Variants in PKN2 observed in about 807,000 individuals in gnomAD.
PKN2 encodes protein kinase N2, also known as serine/threonine-protein kinase N2.
A neutral mutation model predicts 119.1 loss-of-function variants in PKN2; 38 were observed. The observed-to-expected ratio is 0.32, with a 90% CI of 0.25 to 0.42. PKN2 has a LOEUF of 0.42. Ranked by LOEUF, PKN2 falls within the 10% of genes least tolerant of loss-of-function variation. PKN2 has a pLI of 1.00. For missense variants in PKN2, 850 were observed against 1,165.1 expected, an observed-to-expected ratio of 0.73 and a Z score of 3.94; for synonymous variants, 390 against 384.9, an observed-to-expected ratio of 1.01 and a Z score of -0.15.
Position 88,807,580 on chromosome 1 carries a change from C to G in PKN2, c.1986C>G (p.Val662=). ...FNLQDFRCCA[V]LGRGHFGKVL... ...TACAAGATTTCAGGTGTTGTGCTGT[C>G]TTGGGAAGAGGACATTTTGGAAAGG... Residue 662 remains valine (V), a synonymous_variant, in exon 14 of 22, where the codon GTC becomes GTG. Transcript: ENST00000370521. 1.2e-6 allele frequency: 2 copies of G among 1,611,740 alleles called. No individual in the cohort carries two copies. Among genetic ancestry groups the G allele is most frequent in the Middle Eastern group, 1.7e-4 (1 of 6,048 alleles).
At chr1:88,709,123 G>A (rs1234295965) in intron 1 of PKN2, among the ~76,000 whole-genome samples, 2 of 151,378 alleles carry the variant, frequency 1.3e-5, no homozygotes, top group African/African-American at 4.9e-5. Flanking sequence ...GCGTGATCTT[G>A]GCTCACTGCA....
chr1:88,803,584 A>G (rs1238520263), intron 8 of PKN2, among the ~76,000 whole-genome samples: 2 of 152,180 alleles, frequency 1.3e-5, no homozygotes, highest in Admixed American at 6.5e-5. Flanking sequence ...CTTAGGAACT[A>G]TGTTCTACAG....
intron 1 of PKN2, among the ~76,000 whole-genome samples, chr1:88,690,744 A>G (rs1666298761): frequency 2.0e-5 from 3 of 152,320 alleles, no homozygotes; most frequent in South Asian, 2.1e-4. Flanking sequence ...GTAACATTAT[A>G]TACATAAATA....
chr1:88,713,307 G>T (rs943539044), intron 1 of PKN2, among the ~76,000 whole-genome samples: 1 of 152,024 alleles, frequency 6.6e-6, no homozygotes, highest in African/African-American at 2.4e-5. Context: ...GGGATTGCTG[G>T]GTCAAATGGT....
At chr1:88,751,377 TAC>T (rs34210018) in intron 2 of PKN2, among the ~76,000 whole-genome samples, 1,970 of 146,028 alleles carry the variant, frequency 0.013, 29 homozygotes, top group African/African-American at 0.034. Flanking sequence ...TATTTACACA[TAC>T]ACACACACAC....
intron 1 of PKN2, among the ~76,000 whole-genome samples, chr1:88,735,222 G>A (rs759791661): frequency 1.1e-4 from 17 of 152,168 alleles, no homozygotes; most frequent in East Asian, 3.9e-4. Flanking sequence ...GCGGTGGTGC[G>A]ATCATGGCTC....
At chr1:88,783,710 C>T (rs1055097470) in intron 6 of PKN2, among the ~76,000 whole-genome samples, 4 of 151,994 alleles carry the variant, frequency 2.6e-5, no homozygotes, top group African/African-American at 9.7e-5. Context: ...TGTGTCTAGC[C>T]CAAATAATGA....
In PKN2 at chr1:88,771,667, A is replaced by G. The variant is rs1488991897; in HGVS notation, c.773A>G (p.Gln258Arg). ...VTDRKALSEA[Q>R]ARFNESSQKL... ...ATTGTCTTTTCCCTGTGCAAGGCTCAAGCAAGATTTAATGAATCAAGTCAG... is the reference window on the plus strand; with the variant it reads ...ATTGTCTTTTCCCTGTGCAAGGCTCGAGCAAGATTTAATGAATCAAGTCAG... The change falls in exon 6 of 22, where the codon CAA (glutamine) becomes CGA (arginine). Residue 258 changes from glutamine (Q) to arginine (R), a missense_variant. Coordinates refer to ENST00000370521, the MANE Select transcript of PKN2 (RefSeq NM_006256.4). 2 of 1,613,354 alleles carry G rather than the reference A, an allele frequency of 1.2e-6. No homozygotes were observed.
intron 1 of PKN2, among the ~76,000 whole-genome samples, chr1:88,713,580 G>A (rs1667326822): frequency 6.6e-6 from 1 of 152,138 alleles, no homozygotes; most frequent in Admixed American, 6.5e-5. Context: ...GTCTTCTTTT[G>A]AGAAGTGTCC....
chr1:88,775,773 A>C lies in PKN2; in HGVS notation c.985+3894A>C, dbSNP rs906502411. 9.2e-5 allele frequency among the ~76,000 whole-genome samples: 14 copies of C among 152,216 alleles called. 1 individual carries two copies. The highest frequency in any genetic ancestry group is 8.5e-4 in the Admixed American group (13 of 15,288). Reference sequence around the variant, plus strand: ...GTTTTATGCATTAGTCTTTTAAATCATAAAGGAAACAAAAAGAAGAGTTAC... The same window carrying C: ...GTTTTATGCATTAGTCTTTTAAATCCTAAAGGAAACAAAAAGAAGAGTTAC... On this transcript the variant is annotated intron_variant, in intron 6 of 21. Transcript: ENST00000370521.
intron 19 of PKN2, among the ~76,000 whole-genome samples, chr1:88,831,259 C>T (rs1465673855): frequency 6.6e-6 from 1 of 151,602 alleles, no homozygotes; most frequent in Non-Finnish European, 1.5e-5. Context: ...AAAAAAGATA[C>T]TACATATTTT....
chr1:88,780,706 A>G lies in PKN2; in HGVS notation c.986-3933A>G, dbSNP rs553191950. Among the ~76,000 whole-genome samples the G allele has an allele frequency of 4.0e-5, 6 of 151,170 alleles. No individual in the cohort carries two copies. The South Asian group carries it at 1.2e-3, about 31-fold the overall frequency. On this transcript the variant is annotated intron_variant, in intron 6 of 21. Coordinates refer to ENST00000370521, the MANE Select transcript of PKN2 (RefSeq NM_006256.4). The stretch of plus-strand genomic sequence containing the variant: ...TATCTGACAATTAGGCAGGGACTAT[A>G]CTGCAGGCAAGGACTGTACTTATTG...
rs77241441 is a variant in PKN2, at chr1:88,749,059, A to C, written c.349+7771A>C. Among the ~76,000 whole-genome samples the C allele has an allele frequency of 4.8e-3, 725 of 152,330 alleles. 2 individuals are homozygous for C. Among genetic ancestry groups the C allele is most frequent in the African/African-American group, 0.016 (681 of 41,576 alleles). On this transcript the variant is annotated intron_variant, in intron 2 of 21. Transcript: ENST00000370521. Reference sequence around the variant, plus strand: ...CTTGGTATTGTTAATATATTTTATTAACCAGTCTAACAAGTATGTAGTAGT... The same window carrying C: ...CTTGGTATTGTTAATATATTTTATTCACCAGTCTAACAAGTATGTAGTAGT...
At chr1:88,818,565 T>C (rs1435526758) in intron 16 of PKN2, among the ~76,000 whole-genome samples, 1 of 151,752 alleles carries the variant, frequency 6.6e-6, no homozygotes, top group Non-Finnish European at 1.5e-5. Flanking sequence ...GGAGAATTGC[T>C]TGAACCTGGG....
chr1:88,794,856 A>G (rs1486559339), intron 8 of PKN2, among the ~76,000 whole-genome samples: 1 of 152,168 alleles, frequency 6.6e-6, no homozygotes, highest in Non-Finnish European at 1.5e-5. Flanking sequence ...ATACTGCCAC[A>G]GCATCCTTTG....
chr1:88,770,303 T>A, intron 3 of PKN2, 49 bp from the exon 4 acceptor site: 2 of 1,071,306 alleles, frequency 1.9e-6, no homozygotes, highest in Non-Finnish European at 2.9e-6. Flanking sequence ...GGAAAATGTT[T>A]CATTTTTCCC....
In PKN2 at chr1:88,720,525, T is replaced by C. The variant is rs559321886; in HGVS notation, c.49-20463T>C. Among the ~76,000 whole-genome samples, 14 of 152,306 alleles carry C rather than the reference T, an allele frequency of 9.2e-5. No homozygotes were observed. In the South Asian group the frequency reaches 2.5e-3, roughly 27 times the overall value. ...GCTCCTAGGAGGTAATACAGCCCCA[T>C]TGAGAAGTTCTGGCTAGGGGTAAGG... On this transcript the variant is annotated intron_variant, in intron 1 of 21. Transcript: ENST00000370521.
chr1:88,741,134 A>G lies in PKN2; in HGVS notation c.195A>G (p.Gly65=). 1.2e-6 allele frequency: 2 copies of G among 1,613,018 alleles called. No homozygotes were observed. Among genetic ancestry groups the G allele is most frequent in the Non-Finnish European group, 1.7e-6 (2 of 1,179,570 alleles). Residue 65 remains glycine, a synonymous_variant, in exon 2 of 22, where the codon GGA becomes GGG. Coordinates refer to ENST00000370521, the MANE Select transcript of PKN2 (RefSeq NM_006256.4). ...GGAAAGAACTGAAAATCAAAGAAGG[A>G]GCTGAAAATCTGAGGAAAGTCACAA... ...EIRKELKIKE[G]AENLRKVTTD... is the part of the protein sequence containing the mutation.
chr1:88,690,152 T>C (rs1666272635), intron 1 of PKN2, among the ~76,000 whole-genome samples: 1 of 152,206 alleles, frequency 6.6e-6, no homozygotes, highest in African/African-American at 2.4e-5. Flanking sequence ...AGTGTTGAAA[T>C]AGGGACAAGT....
Sources: allele counts gnomAD v4.1 joint callset (sites outside exome capture counted in the v4.1 genomes callset), GRCh38; gene constraint gnomAD v4.1.1; transcripts MANE v1.5; gene names NCBI Gene and HGNC (gene_info 2026-07-23, HGNC 2026-07-21).